Variants in CPSF2 observed in about 807,000 individuals in gnomAD.
CPSF2 encodes cleavage and polyadenylation specific factor 2.
Under a neutral mutation model 84.2 loss-of-function variants are expected in CPSF2, and 51 were observed. The observed-to-expected ratio is 0.61, with a 90% CI of 0.48 to 0.77. The LOEUF (loss-of-function observed/expected upper bound fraction) is 0.77, where lower values mean the gene tolerates loss of function less well. Ranked by LOEUF, CPSF2 falls within the 30% of genes least tolerant of loss-of-function variation. CPSF2 has a pLI of 0.00. For missense variants in CPSF2, 641 were observed against 929.4 expected, an observed-to-expected ratio of 0.69 and a Z score of 4.03; for synonymous variants, 286 against 311.9, an observed-to-expected ratio of 0.92 and a Z score of 0.87.
intron 14 of CPSF2, 86 bp downstream of exon 14, chr14:92,159,368 T>C: frequency 9.8e-7 from 1 of 1,023,340 alleles, no homozygotes; most frequent in Non-Finnish European, 1.5e-6. Flanking sequence ...TCCCCCCTTC[T>C]AAAACTAAGT....
At chr14:92,150,437 G>T (rs1302920256) in intron 9 of CPSF2, among the ~76,000 whole-genome samples, 3 of 143,034 alleles carry the variant, frequency 2.1e-5, no homozygotes, top group East Asian at 2.0e-4. Flanking sequence ...TTGTGTGTGT[G>T]TTTTTTTTTT....
chr14:92,147,671 T>C (rs1490155792), intron 9 of CPSF2, among the ~76,000 whole-genome samples: 1 of 152,210 alleles, frequency 6.6e-6, no homozygotes, highest in Non-Finnish European at 1.5e-5. Flanking sequence ...AAATAAGTTA[T>C]TAGGCAAATG....
In CPSF2 at chr14:92,122,147, AAGG is replaced by A. The variant is rs1212069427; in HGVS notation, c.-94+22_-94+24del. The A allele has an allele frequency of 2.8e-6, 1 of 359,172 alleles. No individual in the cohort carries two copies. Among genetic ancestry groups the A allele is most frequent in the African/African-American group, 2.1e-5 (1 of 47,162 alleles). 22.2% of individuals were successfully genotyped at this position (359,172 alleles called of 1,614,324 possible). On this transcript the variant is annotated intron_variant, in intron 1 of 15. Coordinates refer to ENST00000298875, the MANE Select transcript of CPSF2 (RefSeq NM_017437.3). ...TGACGAGGCAAGTGAGGGCGGGAGA[AAGG>A]AGCGAGCCTCGGGCTGGGGAAGGCG...
intron 3 of CPSF2, among the ~76,000 whole-genome samples, chr14:92,133,311 C>T (rs1312011529): frequency 6.6e-6 from 1 of 151,694 alleles, no homozygotes; most frequent in Non-Finnish European, 1.5e-5. Context: ...CCCAGCTACT[C>T]GGGAGGCTGA....
At chr14:92,159,757 G>T (rs1396916838) in intron 14 of CPSF2, among the ~76,000 whole-genome samples, 1 of 152,068 alleles carries the variant, frequency 6.6e-6, no homozygotes, top group African/African-American at 2.4e-5. Context: ...ACATGCTTCT[G>T]TGTGTATGTC....
rs923396875 is a variant in CPSF2, at chr14:92,162,159, T to C, written c.*415T>C. On this transcript the variant is annotated 3_prime_UTR_variant, in exon 16 of 16. Transcript: ENST00000298875. ...AAGTGAGAATTATTTAGAAAAGACA[T>C]GCTCCAAAAAAAAAACAAAACTGAT... The C allele has an allele frequency of 2.0e-5, 3 of 152,740 alleles. No individual in the cohort carries two copies. Among genetic ancestry groups the C allele is most frequent in the African/African-American group, 7.3e-5 (3 of 41,352 alleles). 9.5% of individuals were successfully genotyped at this position (152,740 alleles called of 1,614,324 possible).
At chr14:92,153,342 A>C (rs1212116878) in intron 9 of CPSF2, among the ~76,000 whole-genome samples, 3 of 152,096 alleles carry the variant, frequency 2.0e-5, no homozygotes, top group African/African-American at 7.2e-5. Context: ...AATTTGGAAG[A>C]GCTCTTAGGA....
rs552623270 is a variant in CPSF2 at position 92,152,291 on chromosome 14, G to A, written c.1141-2067G>A. ...ATTACAGGCATGTGCCATCACGCCC[G>A]GCTAATTTTGTATTTTTAGTAGAGA... On this transcript the variant is annotated intron_variant, in intron 9 of 15. Coordinates refer to ENST00000298875, the MANE Select transcript of CPSF2 (RefSeq NM_017437.3). 6.6e-5 allele frequency among the ~76,000 whole-genome samples: 10 copies of A among 151,738 alleles called. No individual in the cohort carries two copies. In the East Asian group the frequency reaches 1.5e-3, roughly 24 times the overall value.
chr14:92,159,898 G>C (rs2069346691), intron 14 of CPSF2, among the ~76,000 whole-genome samples: 1 of 151,590 alleles, frequency 6.6e-6, no homozygotes, highest in East Asian at 1.9e-4. Flanking sequence ...TGATTGTGAG[G>C]ATCACCTGCC....
At chr14:92,122,929 T>G (rs963107262) in intron 1 of CPSF2, among the ~76,000 whole-genome samples, 3 of 151,156 alleles carry the variant, frequency 2.0e-5, no homozygotes, top group Admixed American at 6.6e-5. Flanking sequence ...GCTCAAGAGA[T>G]CCTCCCATTT....
chr14:92,131,589 A>G (rs2068931226), intron 3 of CPSF2, among the ~76,000 whole-genome samples: 1 of 152,212 alleles, frequency 6.6e-6, no homozygotes, highest in Non-Finnish European at 1.5e-5. Context: ...TGGCAATCCC[A>G]GTACTTTAGG....
chr14:92,165,970 T>G lies in CPSF2; in HGVS notation c.*4226T>G, dbSNP rs1421922402. On this transcript the variant is annotated 3_prime_UTR_variant, in exon 16 of 16. Coordinates refer to ENST00000298875, the MANE Select transcript of CPSF2 (RefSeq NM_017437.3). ...TCTGCCTCCCAGATTAAAGGGATTC[T>G]CCTGCCTCAGCCTCCTGAGTACTGG... 1 of 147,010 alleles carries G rather than the reference T, an allele frequency of 6.8e-6. No homozygotes were observed. The highest frequency in any genetic ancestry group is 2.1e-4 in the East Asian group (1 of 4,736). The allele number at this position is 147,010 out of a possible 1,614,324, so 9.1% of individuals were successfully genotyped here. A position where few individuals can be genotyped will look rare whatever the true frequency, so the allele number is the denominator to read the frequency against.
In CPSF2 at chr14:92,134,363, G is replaced by T; in HGVS notation, c.415+8G>T. On this transcript the variant is annotated splice_region_variant and intron_variant, in intron 5 of 15. Transcript: ENST00000298875. ...AGATTGTGAATTTGAAAGGTAAAAA[G>T]AATTTCCAGTAGTAAGTATTTAGAT... 3 of 1,564,188 alleles carry T rather than the reference G, an allele frequency of 1.9e-6. No individual in the cohort carries two copies. The highest frequency in any genetic ancestry group is 2.6e-6 in the Non-Finnish European group (3 of 1,137,880).
rs949172439 is a variant in CPSF2 at position 92,163,291 on chromosome 14, A to G, written c.*1547A>G. 2.6e-5 allele frequency: 4 copies of G among 152,634 alleles called. No individual in the cohort carries two copies. Among genetic ancestry groups the G allele is most frequent in the Admixed American group, 6.5e-5 (1 of 15,304 alleles). 9.5% of individuals were successfully genotyped at this position (152,634 alleles called of 1,614,324 possible). A position where few individuals can be genotyped will look rare whatever the true frequency, so the allele number is the denominator to read the frequency against. On this transcript the variant is annotated 3_prime_UTR_variant, in exon 16 of 16. Transcript: ENST00000298875. ...CAGACTCGAATTACTATTTCATTCT[A>G]TTTCAAATGCTTATAAAGCTACTAT...
At position 92,164,146 on chromosome 14, in the gene CPSF2, G is replaced by GC. The variant is rs2069413928; in HGVS notation, c.*2404dup. 6.5e-6 allele frequency: 1 copy of GC among 152,784 alleles called. No homozygotes were observed. The highest frequency in any genetic ancestry group is 6.5e-5 in the Admixed American group (1 of 15,274). The allele number at this position is 152,784 out of a possible 1,614,324, so 9.5% of individuals were successfully genotyped here. A position where few individuals can be genotyped will look rare whatever the true frequency, so the allele number is the denominator to read the frequency against. The stretch of plus-strand genomic sequence containing the variant: ...CCACCATGATTGTAAGTTTCATGAG[G>GC]CCTCCCCAGCCTGTGGGACTGTGAG... On this transcript the variant is annotated 3_prime_UTR_variant, in exon 16 of 16. Transcript: ENST00000298875.
chr14:92,161,885 TATAA>T lies in CPSF2; in HGVS notation c.*145_*148del. 1 of 566,216 alleles carries T rather than the reference TATAA, an allele frequency of 1.8e-6. No individual in the cohort carries two copies. The highest frequency in any genetic ancestry group is 3.0e-6 in the Non-Finnish European group (1 of 330,308). The allele number at this position is 566,216 out of a possible 1,614,324, so 35.1% of individuals were successfully genotyped here. The stretch of plus-strand genomic sequence containing the variant: ...CTTACATGTATCAGATTTTTAAAAA[TATAA>T]ATAGAGAACATTTTGCAAATGCTCA... On this transcript the variant is annotated 3_prime_UTR_variant, in exon 16 of 16. Transcript: ENST00000298875.
At chr14:92,126,430 C>T (rs533524520) in intron 2 of CPSF2, among the ~76,000 whole-genome samples, 1 of 152,314 alleles carries the variant, frequency 6.6e-6, no homozygotes, top group African/African-American at 2.4e-5. Flanking sequence ...AGCTTTTTGA[C>T]AGGGATAATT....
At position 92,163,373 on chromosome 14, in the gene CPSF2, A is replaced by AACAC. The variant is rs1555416096; in HGVS notation, c.*1630_*1631insCACA. The stretch of plus-strand genomic sequence containing the variant: ...GACTTTTGATATGGAAAACCAGATA[A>AACAC]AACAATGTTACAAAAGGCAAATATA... On this transcript the variant is annotated 3_prime_UTR_variant, in exon 16 of 16. Transcript: ENST00000298875. The AACAC allele has an allele frequency of 0.18, 26,795 of 151,954 alleles. 2,779 individuals carry two copies. Among genetic ancestry groups the AACAC allele is most frequent in the East Asian group, 0.52 (2,694 of 5,144 alleles). The allele number at this position is 151,954 out of a possible 1,614,324, so 9.4% of individuals were successfully genotyped here. A position where few individuals can be genotyped will look rare whatever the true frequency, so the allele number is the denominator to read the frequency against.
chr14:92,150,180 G>A (rs191169399), intron 9 of CPSF2, among the ~76,000 whole-genome samples: 342 of 148,670 alleles, frequency 2.3e-3, no homozygotes, highest in Admixed American at 4.2e-3. Flanking sequence ...AGGCTGGAGC[G>A]CTCGGCTCAC....
Sources: allele counts gnomAD v4.1 joint callset (sites outside exome capture counted in the v4.1 genomes callset), GRCh38; gene constraint gnomAD v4.1.1; transcripts MANE v1.5; gene names NCBI Gene and HGNC (gene_info 2026-07-23, HGNC 2026-07-21).